CLIC5: variants seen among roughly 807,000 people sequenced by gnomAD.
CLIC5 encodes CLIC family member 5, also known as chloride intracellular channel protein 5.
In CLIC5, 20 loss-of-function variants were observed where a neutral mutation model predicts 24.7. The observed-to-expected ratio is 0.81, with a 90% CI of 0.57 to 1.18. The LOEUF is 1.18. CLIC5 is among the 50% of genes most tolerant of loss of function. The pLI, the probability that CLIC5 is intolerant of heterozygous loss-of-function variation, is 0.00. For synonymous variants in CLIC5, 159 were observed against 135.6 expected, an observed-to-expected ratio of 1.17 and a Z score of -1.20; for missense variants, 341 against 326.1, an observed-to-expected ratio of 1.05 and a Z score of -0.35.
chr6:46,004,373 T>C (rs1766464777), intron 1 of CLIC5, among the ~76,000 whole-genome samples: 1 of 152,166 alleles, frequency 6.6e-6, no homozygotes, highest in East Asian at 1.9e-4. Context: ...AGGATTGAGC[T>C]CTGGACTATG....
intron 1 of CLIC5, among the ~76,000 whole-genome samples, chr6:46,001,504 T>G (rs563908691): frequency 2.9e-4 from 44 of 152,168 alleles, no homozygotes; most frequent in African/African-American, 1.0e-3. Context: ...ATAGCCTCAT[T>G]CTTGCCTTCA....
chr6:45,972,306 T>C (rs1223717545), intron 1 of CLIC5, among the ~76,000 whole-genome samples: 1 of 152,198 alleles, frequency 6.6e-6, no homozygotes, highest in Non-Finnish European at 1.5e-5. Context: ...CCCACCTACT[T>C]CACGAGTTCT....
rs368969059 is a variant in CLIC5 at position 46,032,666 on chromosome 6, A to G, written c.540+47037T>C. 6.4e-4 allele frequency among the ~76,000 whole-genome samples: 98 copies of G among 152,306 alleles called. 2 individuals carry two copies. In the South Asian group the frequency reaches 0.018, roughly 28 times the overall value. On this transcript the variant is annotated intron_variant, in intron 1 of 5. Transcript: ENST00000185206. ...AGTGAATTTCCTCATCTACAGACTC[A>G]TCCCTGGATTCAGAAACCTCTTTTC...
the CLIC5 span, among the ~76,000 whole-genome samples, chr6:46,100,901 G>A: frequency 6.6e-6 from 1 of 152,118 alleles, no homozygotes; most frequent in Non-Finnish European, 1.5e-5. Flanking sequence ...ACCACCTGGA[G>A]GTTACAGAAA....
intron 2 of CLIC5, among the ~76,000 whole-genome samples, chr6:45,949,689 A>T (rs961177101): frequency 5.9e-5 from 9 of 152,166 alleles, no homozygotes; most frequent in Admixed American, 3.3e-4. Context: ...TCCAAGCTTT[A>T]ATTACCCAGG....
At chr6:45,918,207 GA>G (rs1049227935) in intron 4 of CLIC5, among the ~76,000 whole-genome samples, 7 of 151,788 alleles carry the variant, frequency 4.6e-5, no homozygotes, top group Admixed American at 6.6e-5. Flanking sequence ...TTTTAAGGAG[GA>G]AAAAAAATCC....
At chr6:46,040,347 T>C (rs983399770) in intron 1 of CLIC5, among the ~76,000 whole-genome samples, 2 of 152,180 alleles carry the variant, frequency 1.3e-5, no homozygotes, top group Admixed American at 6.5e-5. Context: ...TAGCTGATCA[T>C]GGTGATGGCA....
intron 4 of CLIC5, among the ~76,000 whole-genome samples, chr6:45,930,086 C>T (rs1763669739): frequency 6.6e-6 from 1 of 152,106 alleles, no homozygotes; most frequent in African/African-American, 2.4e-5. Context: ...TTAAACGTGG[C>T]TCACCACATC....
chr6:45,913,336 A>C (rs186045673), intron 5 of CLIC5, among the ~76,000 whole-genome samples: 40 of 152,284 alleles, frequency 2.6e-4, no homozygotes, highest in African/African-American at 9.6e-4. Context: ...TCATTGACAG[A>C]GCTTAGGGGG....
At chr6:46,083,259 T>TC (rs1417746574), upstream of CLIC5, among the ~76,000 whole-genome samples, 2 of 152,234 alleles carry the variant, frequency 1.3e-5, no homozygotes, top group Non-Finnish European at 2.9e-5. Flanking sequence ...AAGGGTTTTT[T>TC]CTGTCTCTAT....
Position 45,944,549 on chromosome 6 carries a change from C to CAA in CLIC5, c.300-2898_300-2897dup, listed in dbSNP as rs773971605. On this transcript the variant is annotated intron_variant, in intron 3 of 5. Transcript: ENST00000339561. ...GGAAGTAAAACAGTTGGCTTCTCAC[C>CAA]AAAAAAAAAAAAAAAAAAAAAAAAA... Among the ~76,000 whole-genome samples the CAA allele has an allele frequency of 3.7e-3, 226 of 61,292 alleles. 1 individual carries two copies. The highest frequency in any genetic ancestry group is 0.012 in the African/African-American group (194 of 15,974). 40.2% of individuals were successfully genotyped at this position (61,292 alleles called of 152,430 possible).
chr6:45,954,177 G>A (rs912720837), intron 2 of CLIC5, among the ~76,000 whole-genome samples: 4 of 150,856 alleles, frequency 2.7e-5, no homozygotes, highest in Non-Finnish European at 5.9e-5. Context: ...GGGAGGCTGA[G>A]GCAGAGAATT....
At chr6:46,054,829 A>T (rs1768201842) in intron 1 of CLIC5, among the ~76,000 whole-genome samples, 1 of 152,228 alleles carries the variant, frequency 6.6e-6, no homozygotes, top group South Asian at 2.1e-4. Context: ...TGGCACATTG[A>T]TGGTGAACTT....
At chr6:46,045,570 G>A (rs1767930751) in intron 1 of CLIC5, among the ~76,000 whole-genome samples, 1 of 152,128 alleles carries the variant, frequency 6.6e-6, no homozygotes, top group South Asian at 2.1e-4. Context: ...GTCTTTTGGG[G>A]TTGTTCATGG....
chr6:45,897,046 T>A (rs556993879), downstream of CLIC5, among the ~76,000 whole-genome samples: 3 of 152,192 alleles, frequency 2.0e-5, no homozygotes. Flanking sequence ...AGGACCAGTT[T>A]CAGGGTTTGT....
At chr6:45,908,968 G>T (rs773031726) in intron 5 of CLIC5, among the ~76,000 whole-genome samples, 44 of 151,608 alleles carry the variant, frequency 2.9e-4, no homozygotes, top group Non-Finnish European at 6.0e-4. Flanking sequence ...TGTTGGGTGT[G>T]TATATATTTA....
chr6:46,058,075 A>ATGTG (rs138296904), intron 1 of CLIC5, among the ~76,000 whole-genome samples: 2 of 78,330 alleles, frequency 2.6e-5, no homozygotes, highest in African/African-American at 5.0e-5. Context: ...ACCATTGTGT[A>ATGTG]TGTGTGTGTG....
In CLIC5 at chr6:45,935,943, A is replaced by C. The variant is rs544545383; in HGVS notation, c.406+5604T>G. ...CAGATCACTCTTTTAAAACAACAAC[A>C]ACAACAATAAAGCTTGCTTTCCCAT... On this transcript the variant is annotated intron_variant, in intron 4 of 5. Transcript: ENST00000339561. Among the ~76,000 whole-genome samples the C allele has an allele frequency of 7.9e-4, 121 of 152,236 alleles. 1 individual carries two copies. The highest frequency in any genetic ancestry group is 2.8e-3 in the African/African-American group (115 of 41,522).
intron 1 of CLIC5, among the ~76,000 whole-genome samples, chr6:46,058,822 A>G (rs577906898): frequency 1.6e-4 from 25 of 152,336 alleles, no homozygotes; most frequent in African/African-American, 6.0e-4. Context: ...CACAAAAAAA[A>G]AGGTATAATG....
Sources: allele counts gnomAD v4.1 joint callset (sites outside exome capture counted in the v4.1 genomes callset), GRCh38; gene constraint gnomAD v4.1.1; transcripts MANE v1.5; gene names NCBI Gene and HGNC (gene_info 2026-07-23, HGNC 2026-07-21).